TRIM39: variants seen among roughly 807,000 people sequenced by gnomAD.
The protein encoded by TRIM39 is tripartite motif containing 39, also known as E3 ubiquitin-protein ligase TRIM39.
TRIM39 carries 5 observed loss-of-function variants against 53.6 expected under a neutral mutation model. The ratio of observed to expected loss-of-function variants is 0.09; its 90% CI spans 0.05 to 0.20. The LOEUF is 0.20. Ranked by LOEUF, TRIM39 falls within the 10% of genes least tolerant of loss-of-function variation. The pLI, the probability that TRIM39 is intolerant of heterozygous loss-of-function variation, is 1.00. For missense variants in TRIM39, 310 were observed against 621.0 expected, an observed-to-expected ratio of 0.50 and a Z score of 5.32; for synonymous variants, 196 against 237.6, an observed-to-expected ratio of 0.82 and a Z score of 1.61.
At chr6:30,340,596 A>C (rs753434203) in exon 7 of TRIM39, 15 of 1,612,784 alleles carry the variant, frequency 9.3e-6, no homozygotes, top group Non-Finnish European at 1.2e-5. Context: ...CTTTGCCCTA[A>C]GGAAAATCCT....
chr6:30,330,775 C>T lies in TRIM39; in HGVS notation c.454-6C>T, dbSNP rs779288942. 1.9e-6 allele frequency: 3 copies of T among 1,614,130 alleles called. No individual in the cohort carries two copies. Among genetic ancestry groups the T allele is most frequent in the South Asian group, 2.2e-5 (2 of 91,068 alleles). Reference sequence around the variant, plus strand: ...TCACCTCTCCCACTTCCTCCCTACCCCTCAGGAAAAACTGCAGAAGTGTCT... The same window carrying T: ...TCACCTCTCCCACTTCCTCCCTACCTCTCAGGAAAAACTGCAGAAGTGTCT... On this transcript the variant is annotated splice_region_variant and splice_polypyrimidine_tract_variant and intron_variant, in intron 3 of 7. Transcript: ENST00000396551.
exon 8 of TRIM39, chr6:30,343,048 C>T (rs1787727718): frequency 6.6e-6 from 1 of 152,640 alleles, no homozygotes. Flanking sequence ...TCTCCAGAGG[C>T]AAAGTGGAAG....
At chr6:30,327,968 A>G (rs900172305) in intron 1 of TRIM39, among the ~76,000 whole-genome samples, 1 of 152,200 alleles carries the variant, frequency 6.6e-6, no homozygotes, top group East Asian at 1.9e-4. Flanking sequence ...CCTTCCTTCC[A>G]GTAGGTCCCT....
At chr6:30,332,774 T>A (rs1453752002) in intron 4 of TRIM39, among the ~76,000 whole-genome samples, 11 of 152,190 alleles carry the variant, frequency 7.2e-5, no homozygotes, top group Admixed American at 7.2e-4. Context: ...CTGTCCTGTT[T>A]TTTAAACTGT....
chr6:30,341,621 A>C, intron 7 of TRIM39, 91 bp from the exon 8 acceptor site: 2 of 1,494,264 alleles, frequency 1.3e-6, no homozygotes, highest in South Asian at 1.3e-5. Context: ...TTAAGGGACC[A>C]GGCTCTGTAA....
chr6:30,333,384 G>A (rs1226918021), intron 4 of TRIM39, among the ~76,000 whole-genome samples: 7 of 125,590 alleles, frequency 5.6e-5, no homozygotes, highest in South Asian at 2.5e-4. Flanking sequence ...TTGAGACGGC[G>A]TCTCGCTCTG....
In TRIM39 at chr6:30,341,066, GATGT is replaced by G. The variant is rs1787465883; in HGVS notation, c.919+447_919+450del. Among the ~76,000 whole-genome samples the G allele has an allele frequency of 2.6e-5, 4 of 152,228 alleles. No homozygotes were observed. The South Asian group carries it at 8.3e-4, about 32-fold the overall frequency. ...CTACTAAAAATATAAAAATTAGCCA[GATGT>G]GGTGTTGGGCGCCTGTAATCCCAGC... On this transcript the variant is annotated intron_variant, in intron 7 of 7. Transcript: ENST00000396551.
rs1786764140 is a variant in TRIM39, at chr6:30,335,667, A to T, written c.550-78A>T. 2 of 1,498,474 alleles carry T rather than the reference A, an allele frequency of 1.3e-6. No individual in the cohort carries two copies. Among genetic ancestry groups the T allele is most frequent in the South Asian group, 2.6e-5 (2 of 76,974 alleles). 92.8% of individuals were successfully genotyped at this position (1,498,474 alleles called of 1,614,324 possible). On this transcript the variant is annotated intron_variant, in intron 4 of 7. Coordinates refer to ENST00000396551, the Ensembl canonical transcript of TRIM39. This position sits in a 1 kb window ranked among gnomAD's most constrained non-coding sequence, Gnocchi z 4.7. Reference sequence around the variant, plus strand: ...TGAAACTGGAAGTCTGTGTTAATTCATACATATGGTGGGTGAGAGAAAGGC... The same window carrying T: ...TGAAACTGGAAGTCTGTGTTAATTCTTACATATGGTGGGTGAGAGAAAGGC...
intron 1 of TRIM39, among the ~76,000 whole-genome samples, chr6:30,328,589 A>C (rs1203425180): frequency 6.6e-6 from 1 of 152,148 alleles, no homozygotes; most frequent in African/African-American, 2.4e-5. Flanking sequence ...GGCTGATAAA[A>C]ATTATGCATG....
chr6:30,341,945 A>G, exon 8 of TRIM39: 1 of 1,612,992 alleles, frequency 6.2e-7, no homozygotes, highest in Non-Finnish European at 8.5e-7. Context: ...GGACTCCGTG[A>G]GCCGAAAGGG....
In TRIM39 at chr6:30,342,510, G is replaced by A; in HGVS notation, c.*251G>A. ...TTCCCAGAGGATTGTCTACCCTGAA[G>A]TCCATCAGGTTTTCTGTTGCACAAG... On this transcript the variant is annotated 3_prime_UTR_variant, in exon 8 of 8. Transcript: ENST00000396551. The surrounding 1 kb of genome is among the most constrained non-coding windows in gnomAD (Gnocchi z 4.7). 1 of 574,854 alleles carries A rather than the reference G, an allele frequency of 1.7e-6. No homozygotes were observed. Among genetic ancestry groups the A allele is most frequent in the Admixed American group, 3.1e-5 (1 of 32,284 alleles). The allele number at this position is 574,854 out of a possible 1,614,324, so 35.6% of individuals were successfully genotyped here.
chr6:30,327,782 TCTGACTGAACTTCTCTCCTATTG>T (rs1422903135), intron 1 of TRIM39: 2 of 152,260 alleles, frequency 1.3e-5, no homozygotes. Context: ...ATAGAAATCA[TCTGACTGAACTTCTCTCCTATTG>T]CTGACAGAAG....
chr6:30,329,242 A>C (rs1785821548), intron 2 of TRIM39, 69 bp from the exon 3 acceptor site: 1 of 176,416 alleles, frequency 5.7e-6, no homozygotes, highest in African/African-American at 3.0e-5. Context: ...TCAGGGATGC[A>C]AAAAAAAAAA....
chr6:30,341,395 C>A (rs1273113928), intron 7 of TRIM39: 1 of 640,378 alleles, frequency 1.6e-6, no homozygotes, highest in South Asian at 1.5e-5. Context: ...TCAGACTACA[C>A]CTTGTACTTC....
chr6:30,329,968 T>G (rs1444446460), intron 3 of TRIM39, among the ~76,000 whole-genome samples, 198 bp downstream of exon 3: 1 of 152,232 alleles, frequency 6.6e-6, no homozygotes, highest in Non-Finnish European at 1.5e-5. Context: ...CCCTAAAATT[T>G]CTCTCTGACT....
intron 1 of TRIM39, among the ~76,000 whole-genome samples, chr6:30,327,958 C>G (rs1268289360): frequency 6.6e-6 from 1 of 152,226 alleles, no homozygotes; most frequent in Non-Finnish European, 1.5e-5. Context: ...TACCAAATTT[C>G]CTTCCTTCCA....
In TRIM39 at chr6:30,338,348, G is replaced by A. The variant is rs1320578785; in HGVS notation, c.781-1560G>A. Among the ~76,000 whole-genome samples, 1 of 151,918 alleles carries A rather than the reference G, an allele frequency of 6.6e-6. No homozygotes were observed. The highest frequency in any genetic ancestry group is 1.5e-5 in the Non-Finnish European group (1 of 67,982). ...GGTTTTGATTTAAAGTGAGAGACATGTGATTCTTCTTTCACATGAACACTT... is the reference window on the plus strand; with the variant it reads ...GGTTTTGATTTAAAGTGAGAGACATATGATTCTTCTTTCACATGAACACTT... On this transcript the variant is annotated intron_variant, in intron 5 of 7. Transcript: ENST00000396551. The surrounding 1 kb of genome is among the most constrained non-coding windows in gnomAD (Gnocchi z 4.0).
intron 4 of TRIM39, 59 bp downstream of exon 4, chr6:30,330,935 A>C: frequency 6.4e-7 from 1 of 1,568,112 alleles, no homozygotes; most frequent in Non-Finnish European, 8.7e-7. Flanking sequence ...TGAGGGAATT[A>C]ACTGTACACT....
Position 30,335,877 on chromosome 6 carries a change from G to C in TRIM39, c.682G>C (p.Glu228Gln). The change falls in exon 5 of 8, where the codon GAA (glutamate) becomes CAA (glutamine). Residue 228 changes from glutamate to glutamine, a missense_variant. By Grantham distance (29) the Glu-to-Gln change is conservative. This residue lies in a region of TRIM39 where 161 missense variants were observed against 210.0 expected (regional missense o/e 0.77). Transcript: ENST00000396551. The surrounding 1 kb of genome is among the most constrained non-coding windows in gnomAD (Gnocchi z 4.7). ...ACAGGACATTCTGCAGCGACTCCGA[G>C]AAAATGCTGCTCACCTTGGGGACAA... The C allele has an allele frequency of 6.2e-7, 1 of 1,613,064 alleles. No individual in the cohort carries two copies. Among genetic ancestry groups the C allele is most frequent in the Non-Finnish European group, 8.5e-7 (1 of 1,180,038 alleles).
Sources: allele counts gnomAD v4.1 joint callset (sites outside exome capture counted in the v4.1 genomes callset), GRCh38; gene constraint gnomAD v4.1.1; regional missense constraint gnomAD v4.1.1; non-coding constraint Gnocchi (gnomAD v3.1); transcripts MANE v1.5; gene names NCBI Gene and HGNC (gene_info 2026-07-23, HGNC 2026-07-21).